DACH1: variants seen among roughly 807,000 people sequenced by gnomAD.
DACH1 encodes dachshund family transcription factor 1.
Under a neutral mutation model 54.2 loss-of-function variants are expected in DACH1, and 12 were observed. That is an observed-to-expected ratio of 0.22 (90% confidence interval 0.14 to 0.36). DACH1 has a LOEUF of 0.36. DACH1 is among the 10% of genes least tolerant of loss of function. The pLI, the probability that DACH1 is intolerant of heterozygous loss-of-function variation, is 1.00. For missense variants in DACH1, 805 were observed against 929.8 expected (o/e 0.87, Z 1.75); for synonymous variants, 386 against 366.2 (o/e 1.05, Z -0.62).
intron 1 of DACH1, among the ~76,000 whole-genome samples, chr13:71,829,303 A>C (rs1888498303): frequency 6.6e-6 from 1 of 151,894 alleles, no homozygotes; most frequent in South Asian, 2.1e-4. Flanking sequence ...AGATGCAAAT[A>C]AATAAAATCC....
At chr13:71,584,104 TA>T (rs1259773704) in intron 3 of DACH1, among the ~76,000 whole-genome samples, 1 of 152,208 alleles carries the variant, frequency 6.6e-6, no homozygotes, top group Non-Finnish European at 1.5e-5. Context: ...CTCATTTAGA[TA>T]AGCCTGGCCT....
chr13:71,464,331 T>C (rs961287063), intron 10 of DACH1, among the ~76,000 whole-genome samples: 1 of 152,056 alleles, frequency 6.6e-6, no homozygotes, highest in African/African-American at 2.4e-5. Context: ...TGAACTTTCT[T>C]TATTTTAAAG....
intron 6 of DACH1, among the ~76,000 whole-genome samples, chr13:71,548,111 C>T (rs544099141): frequency 6.6e-6 from 1 of 152,162 alleles, no homozygotes; most frequent in Non-Finnish European, 1.5e-5. Flanking sequence ...TTTTAAGTGG[C>T]AACACTTTCT....
chr13:71,798,360 A>ATATATAGGT (rs1887150612), intron 1 of DACH1, among the ~76,000 whole-genome samples: 1 of 118,198 alleles, frequency 8.5e-6, no homozygotes, highest in African/African-American at 3.1e-5. Context: ...ATATATATAT[A>ATATATAGGT]TATCCATTAC....
chr13:71,579,922 G>T (rs1183684328), intron 3 of DACH1, among the ~76,000 whole-genome samples: 1 of 152,098 alleles, frequency 6.6e-6, no homozygotes, highest in Admixed American at 6.5e-5. Flanking sequence ...ACAAAGAAAT[G>T]CAGACTGGGT....
At chr13:71,595,786 G>T (rs1280382321) in intron 3 of DACH1, among the ~76,000 whole-genome samples, 1 of 152,066 alleles carries the variant, frequency 6.6e-6, no homozygotes, top group Non-Finnish European at 1.5e-5. Flanking sequence ...CCTTAGGAGA[G>T]CACAAACCCC....
At chr13:71,522,119 C>G (rs749438608) in intron 6 of DACH1, among the ~76,000 whole-genome samples, 1 of 152,042 alleles carries the variant, frequency 6.6e-6, no homozygotes, top group Non-Finnish European at 1.5e-5. Flanking sequence ...GCATATTAAT[C>G]AAAGAATTGT....
At chr13:71,587,751 G>C (rs1460769731) in intron 3 of DACH1, among the ~76,000 whole-genome samples, 1 of 151,956 alleles carries the variant, frequency 6.6e-6, no homozygotes, top group East Asian at 1.9e-4. Flanking sequence ...TGAATAATAG[G>C]ATACTTGAAT....
At chr13:71,799,285 G>A (rs1029372697) in intron 1 of DACH1, among the ~76,000 whole-genome samples, 5 of 151,860 alleles carry the variant, frequency 3.3e-5, no homozygotes, top group Admixed American at 2.0e-4. Flanking sequence ...CTTATTTTAC[G>A]GCATTGAATA....
intron 6 of DACH1, among the ~76,000 whole-genome samples, chr13:71,527,393 G>A (rs1882060380): frequency 1.3e-5 from 2 of 151,926 alleles, no homozygotes; most frequent in Non-Finnish European, 2.9e-5. Context: ...CCTTCTTTGC[G>A]TTGCAACTTC....
chr13:71,838,462 G>T (rs1342729616), intron 1 of DACH1, among the ~76,000 whole-genome samples: 1 of 152,036 alleles, frequency 6.6e-6, no homozygotes, highest in Non-Finnish European at 1.5e-5. Flanking sequence ...GTGAAGAAAA[G>T]AATTTTTATT....
chr13:71,797,650 A>G (rs1479394085), intron 1 of DACH1, among the ~76,000 whole-genome samples: 1 of 152,118 alleles, frequency 6.6e-6, no homozygotes, highest in African/African-American at 2.4e-5. Context: ...AGTAGGGCTC[A>G]TGTGCCAGAA....
At chr13:71,516,103 C>T (rs1329869015) in intron 6 of DACH1, among the ~76,000 whole-genome samples, 1 of 151,864 alleles carries the variant, frequency 6.6e-6, no homozygotes. Flanking sequence ...TAGGCAGTTC[C>T]ATTCCATTCC....
chr13:71,672,997 A>G (rs1345021169), intron 2 of DACH1, among the ~76,000 whole-genome samples: 1 of 152,210 alleles, frequency 6.6e-6, no homozygotes, highest in African/African-American at 2.4e-5. Flanking sequence ...CAGTTACTCA[A>G]TTAAGGACAT....
At chr13:71,735,677 C>T (rs1446411920) in intron 1 of DACH1, among the ~76,000 whole-genome samples, 1 of 122,408 alleles carries the variant, frequency 8.2e-6, no homozygotes, top group African/African-American at 2.6e-5. Flanking sequence ...ATATCCCTTC[C>T]TACTTGACAA....
chr13:71,600,904 G>C (rs1265911328), intron 3 of DACH1, among the ~76,000 whole-genome samples: 1 of 151,438 alleles, frequency 6.6e-6, no homozygotes, highest in Non-Finnish European at 1.5e-5. Context: ...CTCACCCTTA[G>C]AGATTATACT....
In DACH1 at chr13:71,692,506, C is replaced by CTTTTT. The variant is rs398023338; in HGVS notation, c.849-10601_849-10597dup. On this transcript the variant is annotated intron_variant, in intron 1 of 10. Transcript: ENST00000613252. Reference sequence around the variant, plus strand: ...CCTTTCTTTTTCTTTCTTTTCTTTCCTTTTTTTTTTTTTTTTTTTTTTTTT... The same window carrying CTTTTT: ...CCTTTCTTTTTCTTTCTTTTCTTTCCTTTTTTTTTTTTTTTTTTTTTTTTTTTTTT... Among the ~76,000 whole-genome samples the CTTTTT allele has an allele frequency of 9.2e-4, 41 of 44,442 alleles. 1 individual carries two copies. The highest frequency in any genetic ancestry group is 3.2e-3 in the African/African-American group (27 of 8,334). 29.2% of individuals were successfully genotyped at this position (44,442 alleles called of 152,430 possible).
In DACH1 at chr13:71,779,166, CGTATATATAT is replaced by C. The variant is rs1566494697; in HGVS notation, c.848+86746_848+86755del. Among the ~76,000 whole-genome samples the C allele has an allele frequency of 3.4e-3, 267 of 79,594 alleles. 3 individuals carry two copies. The highest frequency in any genetic ancestry group is 0.013 in the African/African-American group (253 of 20,170). The allele number at this position is 79,594 out of a possible 152,430, so 52.2% of individuals were successfully genotyped here. A position where few individuals can be genotyped will look rare whatever the true frequency, so the allele number is the denominator to read the frequency against. On this transcript the variant is annotated intron_variant, in intron 1 of 10. Coordinates refer to ENST00000613252, the MANE Select transcript of DACH1 (RefSeq NM_080759.6). ...ATATATACACATATATACGTATATA[CGTATATATAT>C]ACACATATATACGTATATACGTATA...
chr13:71,807,345 G>C (rs1408143824), intron 1 of DACH1, among the ~76,000 whole-genome samples: 1 of 141,620 alleles, frequency 7.1e-6, no homozygotes, highest in African/African-American at 2.7e-5. Flanking sequence ...GTGGAAGCTT[G>C]TGTTTGCCAG....
Sources: gnomAD v4.1 joint callset for allele counts (sites outside exome capture counted in the v4.1 genomes callset) on GRCh38, gnomAD v4.1.1 for gene constraint, MANE v1.5 for transcripts, NCBI Gene and HGNC (gene_info 2026-07-23, HGNC 2026-07-21) for gene names.